The following SORCS3 variants were observed in gnomAD, a reference collection of about 807,000 sequenced individuals.
SORCS3 encodes the protein VPS10 domain-containing receptor SorCS3.
A neutral mutation model predicts 146.3 loss-of-function variants in SORCS3; 57 were observed. The ratio of observed to expected loss-of-function variants is 0.39; its 90% CI spans 0.31 to 0.49. SORCS3 has a LOEUF of 0.49. Ranked by LOEUF, SORCS3 falls within the 20% of genes least tolerant of loss-of-function variation. The pLI is 0.92. For missense variants in SORCS3, 1,341 were observed against 1,575.5 expected (o/e 0.85, Z 2.52); for synonymous variants, 653 against 618.5 (o/e 1.06, Z -0.83).
At chr10:104,668,747 AT>A (rs1198359038) in intron 1 of SORCS3, among the ~76,000 whole-genome samples, 2 of 152,248 alleles carry the variant, frequency 1.3e-5, no homozygotes, top group African/African-American at 2.4e-5. Flanking sequence ...TCAAGTTTGA[AT>A]TAGAAGGGTC....
At chr10:104,643,425 G>T (rs558281094) in intron 1 of SORCS3, among the ~76,000 whole-genome samples, 2 of 152,206 alleles carry the variant, frequency 1.3e-5, no homozygotes, top group Non-Finnish European at 2.9e-5. Flanking sequence ...GCCCAGCCTG[G>T]GTAGCCCATG....
chr10:104,978,983 C>G (rs936537399), intron 4 of SORCS3, among the ~76,000 whole-genome samples: 2 of 152,184 alleles, frequency 1.3e-5, no homozygotes, highest in Non-Finnish European at 2.9e-5. Flanking sequence ...TGCTCCCTTC[C>G]CTGTGCCTGG....
rs1159481169 is a variant in SORCS3, at chr10:105,200,034, A to T, written c.2045A>T (p.Gln682Leu). 6.2e-7 allele frequency: 1 copy of T among 1,613,696 alleles called. No individual in the cohort carries two copies. The highest frequency in any genetic ancestry group is 1.1e-5 in the South Asian group (1 of 91,066). Reference sequence around the variant, plus strand: ...CACTTCAGCCTCCGCTCCGAATGGCAATTGGTGAAAGTGGACTACAAATCT... The same window carrying T: ...CACTTCAGCCTCCGCTCCGAATGGCTATTGGTGAAAGTGGACTACAAATCT... ...FGHFSLRSEW[Q>L]LVKVDYKSIF... The change falls in exon 15 of 27, where the codon CAA becomes CTA. Residue 682 changes from glutamine (Q) to leucine (L), a missense_variant. By Grantham distance (113) the Gln-to-Leu change is moderately radical (BLOSUM62 -2). Transcript: ENST00000369701.
intron 7 of SORCS3, among the ~76,000 whole-genome samples, chr10:105,108,536 T>C (rs1398447751): frequency 6.6e-6 from 1 of 151,906 alleles, no homozygotes; most frequent in Admixed American, 6.6e-5. Flanking sequence ...ATATTCAGAG[T>C]TCAATGAGAT....
intron 9 of SORCS3, among the ~76,000 whole-genome samples, chr10:105,151,628 A>G (rs1378941951): frequency 2.0e-5 from 3 of 152,044 alleles, no homozygotes; most frequent in Non-Finnish European, 2.9e-5. Flanking sequence ...AATGGAGAGG[A>G]GACAAAGAAA....
chr10:104,920,731 G>C (rs898742604), intron 3 of SORCS3, among the ~76,000 whole-genome samples: 2 of 152,144 alleles, frequency 1.3e-5, no homozygotes, highest in African/African-American at 4.8e-5. Context: ...TGTGAGCAGG[G>C]TATAATCATT....
At chr10:105,184,478 A>G (rs919252079) in intron 14 of SORCS3, among the ~76,000 whole-genome samples, 1 of 152,196 alleles carries the variant, frequency 6.6e-6, no homozygotes, top group East Asian at 1.9e-4. Context: ...AAGAATGCCC[A>G]TGGGTTTTTA....
chr10:104,660,281 TG>T (rs1379794012), intron 1 of SORCS3, among the ~76,000 whole-genome samples: 1 of 98,456 alleles, frequency 1.0e-5, no homozygotes, highest in Non-Finnish European at 2.1e-5. Flanking sequence ...GTTTTTTAAC[TG>T]AGAGTTTATT....
intron 1 of SORCS3, among the ~76,000 whole-genome samples, chr10:104,787,515 A>G (rs2017452372): frequency 6.6e-6 from 1 of 152,116 alleles, no homozygotes; most frequent in Non-Finnish European, 1.5e-5. Context: ...TGGGGAGAGC[A>G]TGAGCTGGTC....
chr10:104,751,965 AT>A (rs1564675454), intron 1 of SORCS3, among the ~76,000 whole-genome samples: 31 of 108,036 alleles, frequency 2.9e-4, no homozygotes, highest in African/African-American at 5.8e-4. Flanking sequence ...ATATATATAT[AT>A]ATAATAGTTT....
chr10:104,651,552 A>C (rs1257592033), intron 1 of SORCS3, among the ~76,000 whole-genome samples: 2 of 151,074 alleles, frequency 1.3e-5, no homozygotes, highest in African/African-American at 2.4e-5. Flanking sequence ...AAAAAAAAAA[A>C]AACACAAAAA....
At chr10:105,256,690 G>T in intron 24 of SORCS3, 129 bp from the exon 25 acceptor site, 2 of 667,096 alleles carry the variant, frequency 3.0e-6, no homozygotes, top group Non-Finnish European at 5.2e-6. Flanking sequence ...CAGATATCAG[G>T]CAGGGGAATT....
At chr10:104,822,324 T>C (rs910389504) in intron 1 of SORCS3, among the ~76,000 whole-genome samples, 23 of 152,232 alleles carry the variant, frequency 1.5e-4, no homozygotes, top group African/African-American at 5.3e-4. Context: ...ACTCTTGCTG[T>C]AACTAAGATA....
chr10:105,207,842 G>A (rs767750551), intron 16 of SORCS3, among the ~76,000 whole-genome samples: 1 of 152,028 alleles, frequency 6.6e-6, no homozygotes, highest in Non-Finnish European at 1.5e-5. Context: ...TGCTAAACAC[G>A]GTTATATTTA....
chr10:104,676,035 T>C (rs183889248), intron 1 of SORCS3, among the ~76,000 whole-genome samples: 1 of 152,348 alleles, frequency 6.6e-6, no homozygotes, highest in Non-Finnish European at 1.5e-5. Context: ...TTTCAGTAGA[T>C]TTATTCCCAG....
At chr10:104,947,599 G>T (rs2019385988) in intron 3 of SORCS3, among the ~76,000 whole-genome samples, 1 of 152,058 alleles carries the variant, frequency 6.6e-6, no homozygotes, top group African/African-American at 2.4e-5. Context: ...CCTAGCACTG[G>T]ATGTTGTATT....
At chr10:104,749,989 T>C (rs1276538285) in intron 1 of SORCS3, among the ~76,000 whole-genome samples, 1 of 152,246 alleles carries the variant, frequency 6.6e-6, no homozygotes, top group Non-Finnish European at 1.5e-5. Flanking sequence ...ATTAAATGGC[T>C]ATATAACTAA....
chr10:104,825,846 C>T (rs563765324), intron 1 of SORCS3, among the ~76,000 whole-genome samples: 28 of 152,210 alleles, frequency 1.8e-4, no homozygotes, highest in Non-Finnish European at 3.8e-4. Context: ...TTTAATGGCT[C>T]GTTACACAAA....
chr10:104,802,657 G>A (rs945089425), intron 1 of SORCS3, among the ~76,000 whole-genome samples: 1 of 152,180 alleles, frequency 6.6e-6, no homozygotes, highest in South Asian at 2.1e-4. Flanking sequence ...ACAGAATCTG[G>A]TTCCCTGAAA....
Sources: allele counts gnomAD v4.1 joint callset (sites outside exome capture counted in the v4.1 genomes callset), GRCh38; gene constraint gnomAD v4.1.1; transcripts MANE v1.5; gene names NCBI Gene and HGNC (gene_info 2026-07-23, HGNC 2026-07-21).